PDE4D: variants seen among roughly 807,000 people sequenced by gnomAD.
PDE4D encodes 3',5'-cyclic-AMP phosphodiesterase 4D.
PDE4D carries 24 observed loss-of-function variants against 87.4 expected under a neutral mutation model. The observed-to-expected ratio is 0.27, with a 90% confidence interval of 0.20 to 0.39. PDE4D has a LOEUF of 0.39. Ranked by LOEUF, PDE4D falls within the 10% of genes least tolerant of loss-of-function variation. The pLI is 1.00. For missense variants in PDE4D, 714 were observed against 1,041.0 expected, an observed-to-expected ratio of 0.69 and a Z score of 4.32; for synonymous variants, 384 against 383.2, an observed-to-expected ratio of 1.00 and a Z score of -0.02.
chr5:59,966,116 C>T (rs1169654520), intron 3 of PDE4D, among the ~76,000 whole-genome samples: 9 of 152,092 alleles, frequency 5.9e-5, no homozygotes, highest in Non-Finnish European at 4.4e-5. Context: ...ATCTCTGGTT[C>T]GCTACTAGTT....
intron 1 of PDE4D, among the ~76,000 whole-genome samples, chr5:60,479,403 T>A (rs960959551): frequency 6.6e-6 from 1 of 152,174 alleles, no homozygotes; most frequent in South Asian, 2.1e-4. Context: ...ATATTCACAA[T>A]GTGCTACTGA....
At chr5:59,651,235 A>G (rs1020570669) in intron 1 of PDE4D, among the ~76,000 whole-genome samples, 15 of 148,568 alleles carry the variant, frequency 1.0e-4, no homozygotes, top group East Asian at 3.9e-4. Context: ...CAGCCTGGGC[A>G]ACAGAGTGAG....
chr5:59,112,863 C>A (rs189556456), intron 5 of PDE4D, among the ~76,000 whole-genome samples: 1 of 149,760 alleles, frequency 6.7e-6, no homozygotes, highest in African/African-American at 2.5e-5. Flanking sequence ...TGCAGTGGCG[C>A]GATCTCAGCT....
intron 1 of PDE4D, among the ~76,000 whole-genome samples, chr5:59,477,596 T>C (rs1803513256): frequency 6.6e-6 from 1 of 152,114 alleles, no homozygotes; most frequent in East Asian, 1.9e-4. Context: ...TATACGCTGT[T>C]GGTGGACATG....
intron 1 of PDE4D, among the ~76,000 whole-genome samples, chr5:59,263,403 T>C (rs997372952): frequency 1.3e-5 from 2 of 151,884 alleles, no homozygotes; most frequent in Non-Finnish European, 2.9e-5. Flanking sequence ...AGAAGAGAGT[T>C]TTAATTCTAA....
At chr5:59,177,020 G>A (rs1006212028) in intron 5 of PDE4D, among the ~76,000 whole-genome samples, 5 of 152,164 alleles carry the variant, frequency 3.3e-5, no homozygotes, top group East Asian at 3.9e-4. Context: ...CCTTTCCTTC[G>A]TTTGTGTCTT....
At chr5:60,047,568 T>A (rs1769451234) in intron 2 of PDE4D, among the ~76,000 whole-genome samples, 1 of 152,190 alleles carries the variant, frequency 6.6e-6, no homozygotes, top group East Asian at 1.9e-4. Flanking sequence ...GTATGCTGTG[T>A]CTTTGTTCTC....
Position 60,086,400 on chromosome 5 carries a change from A to AT in PDE4D, c.43-97684dup, listed in dbSNP as rs1430007050. Among the ~76,000 whole-genome samples, 44 of 152,312 alleles carry AT rather than the reference A, an allele frequency of 2.9e-4. 1 individual carries two copies. The highest frequency in any genetic ancestry group is 1.0e-3 in the African/African-American group (42 of 41,574). ...GATATTATAGCTCTTTAAACTATAT[A>AT]TTTTTTATATTTAAGCATCAGTATT... On this transcript the variant is annotated intron_variant, in intron 2 of 16. Transcript: ENST00000502484.
chr5:60,445,955 T>C (rs1014472484), intron 1 of PDE4D, among the ~76,000 whole-genome samples: 2 of 152,136 alleles, frequency 1.3e-5, no homozygotes, highest in Admixed American at 6.5e-5. Context: ...ATCTGTACTA[T>C]ATAAAAATTG....
intron 1 of PDE4D, among the ~76,000 whole-genome samples, chr5:59,844,102 T>TTAGCTTG (rs1743468229): frequency 1.3e-5 from 2 of 152,046 alleles, no homozygotes; most frequent in African/African-American, 4.8e-5. Context: ...CCTGAGCTTG[T>TTAGCTTG]TTTTCAACCT....
chr5:59,082,402 A>AATCATTCT (rs2153424168), intron 5 of PDE4D, among the ~76,000 whole-genome samples: 1 of 152,298 alleles, frequency 6.6e-6, no homozygotes, highest in Admixed American at 6.5e-5. Context: ...GAGAGAAGGA[A>AATCATTCT]ATCATTCTAT....
intron 1 of PDE4D, among the ~76,000 whole-genome samples, chr5:59,261,721 G>C (rs1335110230): frequency 6.6e-6 from 1 of 151,496 alleles, no homozygotes; most frequent in Non-Finnish European, 1.5e-5. Flanking sequence ...AAACTCAAAG[G>C]CTAAATTCAT....
At chr5:59,747,613 TTC>T (rs1188391068) in intron 1 of PDE4D, among the ~76,000 whole-genome samples, 1 of 152,190 alleles carries the variant, frequency 6.6e-6, no homozygotes, top group African/African-American at 2.4e-5. Flanking sequence ...CCAACATCTG[TTC>T]TCTGTCTTTA....
At chr5:59,448,962 A>G (rs1024104583) in intron 1 of PDE4D, among the ~76,000 whole-genome samples, 25 of 152,040 alleles carry the variant, frequency 1.6e-4, no homozygotes, top group Non-Finnish European at 2.9e-4. Context: ...ACAACAAAAA[A>G]CTGCTCCCCA....
intron 2 of PDE4D, among the ~76,000 whole-genome samples, chr5:60,030,083 T>G (rs1472574575): frequency 6.6e-6 from 1 of 152,200 alleles, no homozygotes; most frequent in East Asian, 1.9e-4. Context: ...GCAACTGGTT[T>G]AATTAATCCC....
intron 3 of PDE4D, among the ~76,000 whole-genome samples, chr5:59,899,228 C>A (rs900957968): frequency 6.6e-6 from 1 of 152,040 alleles, no homozygotes; most frequent in African/African-American, 2.4e-5. Context: ...TAGTCCTCTG[C>A]CAATGTTGAG....
intron 1 of PDE4D, among the ~76,000 whole-genome samples, chr5:59,838,720 C>T (rs1430724120): frequency 1.3e-5 from 2 of 151,974 alleles, no homozygotes; most frequent in Non-Finnish European, 2.9e-5. Flanking sequence ...CTATAGAATG[C>T]TTTTCACCTC....
At chr5:59,842,474 C>T (rs1365389931) in intron 1 of PDE4D, among the ~76,000 whole-genome samples, 4 of 152,036 alleles carry the variant, frequency 2.6e-5, no homozygotes, top group African/African-American at 9.7e-5. Flanking sequence ...GATTCCTTAA[C>T]TGGGATGCTG....
At chr5:60,342,061 T>C (rs1263266956) in intron 1 of PDE4D, among the ~76,000 whole-genome samples, 1 of 152,242 alleles carries the variant, frequency 6.6e-6, no homozygotes, top group Non-Finnish European at 1.5e-5. Context: ...AATGTCATTT[T>C]CAATCTCTGC....
Sources: gnomAD v4.1 joint callset for allele counts (sites outside exome capture counted in the v4.1 genomes callset) on GRCh38, gnomAD v4.1.1 for gene constraint, MANE v1.5 for transcripts, NCBI Gene and HGNC (gene_info 2026-07-23, HGNC 2026-07-21) for gene names.